AHCTF1: variants seen among roughly 807,000 people sequenced by gnomAD.
AHCTF1 encodes AT-hook containing transcription factor 1.
Under a neutral mutation model 248.4 loss-of-function variants are expected in AHCTF1, and 24 were observed. The ratio of observed to expected loss-of-function variants is 0.10; its 90% CI spans 0.07 to 0.14. The LOEUF (loss-of-function observed/expected upper bound fraction) is 0.14, where lower values mean the gene tolerates loss of function less well. Among genes scored for constraint, AHCTF1 ranks in the 10% least tolerant of loss-of-function variants. The pLI, the probability that AHCTF1 is intolerant of heterozygous loss-of-function variation, is 1.00. For synonymous variants in AHCTF1, 786 were observed against 929.8 expected, an observed-to-expected ratio of 0.85 and a Z score of 2.81; for missense variants, 2,206 against 2,636.2, an observed-to-expected ratio of 0.84 and a Z score of 3.57.
chr1:246,902,273 T>A (rs753446458), intron 8 of AHCTF1, among the ~76,000 whole-genome samples: 31 of 152,314 alleles, frequency 2.0e-4, no homozygotes, highest in Middle Eastern at 3.4e-3. Context: ...TAGTTCAGAC[T>A]AGGGATCGCC....
At chr1:246,924,264 TCAG>T (rs1179808944) in intron 1 of AHCTF1, among the ~76,000 whole-genome samples, 1 of 152,196 alleles carries the variant, frequency 6.6e-6, no homozygotes, top group Non-Finnish European at 1.5e-5. Context: ...ACAATTCCTT[TCAG>T]TTTTCTTATG....
At chr1:246,872,257 G>T (rs182116179) in intron 24 of AHCTF1, among the ~76,000 whole-genome samples, 2 of 151,994 alleles carry the variant, frequency 1.3e-5, no homozygotes, top group African/African-American at 2.4e-5. Context: ...TACTCAGATC[G>T]GGCTCCCTTG....
rs201481584 is a variant in AHCTF1 at position 246,903,938 on chromosome 1, T to C, written c.966+11A>G. On this transcript the variant is annotated intron_variant, in intron 7 of 35. Coordinates refer to ENST00000648844, the MANE Select transcript of AHCTF1 (RefSeq NM_001323342.2). The stretch of plus-strand genomic sequence containing the variant: ...ATGGTAATATAAACCCATAGTCCAA[T>C]GACCATTTACCTCATATAAGATTTG... 1,739 of 1,603,728 alleles carry C rather than the reference T, an allele frequency of 1.1e-3. 1 individual carries two copies. The highest frequency in any genetic ancestry group is 1.4e-3 in the Non-Finnish European group (1,601 of 1,170,848).
Position 246,849,974 on chromosome 1 carries a change from C to T in AHCTF1, c.6032G>A (p.Arg2011Lys). Reference sequence around the variant, plus strand: ...ATTTTCACTTTTAGCTGGGGTATTTCTTGTAGATCTCCTTCTAATGCTGGG... The same window carrying T: ...ATTTTCACTTTTAGCTGGGGTATTTTTTGTAGATCTCCTTCTAATGCTGGG... ...EAPSIRRRST[R>K]NTPAKSENVD... Residue 2011 changes from arginine (R) to lysine (K), a missense_variant, in exon 33 of 36, where the codon AGA becomes AAA. By Grantham distance (26) the Arg-to-Lys change is conservative. This residue lies in a region of AHCTF1 where 469 missense variants were observed against 470.0 expected (regional missense o/e 1.00). Coordinates refer to ENST00000648844, the MANE Select transcript of AHCTF1 (RefSeq NM_001323342.2). The T allele has an allele frequency of 6.2e-7, 1 of 1,613,980 alleles. No homozygotes were observed. The highest frequency in any genetic ancestry group is 8.5e-7 in the Non-Finnish European group (1 of 1,179,868).
chr1:246,852,940 A>G (rs887899167), intron 32 of AHCTF1, 151 bp downstream of exon 32: 9 of 615,248 alleles, frequency 1.5e-5, no homozygotes, highest in East Asian at 2.9e-5. Flanking sequence ...CAAAAGATTT[A>G]TACACTTATT....
At chr1:246,894,971 A>G (rs1370219241) in intron 13 of AHCTF1, among the ~76,000 whole-genome samples, 3 of 152,084 alleles carry the variant, frequency 2.0e-5, no homozygotes, top group African/African-American at 7.2e-5. Flanking sequence ...TTTAATCATG[A>G]GGAGCGACGG....
intron 21 of AHCTF1, among the ~76,000 whole-genome samples, chr1:246,882,474 T>G (rs971281349): frequency 6.6e-6 from 1 of 151,952 alleles, no homozygotes; most frequent in Non-Finnish European, 1.5e-5. Context: ...GTAATGAAAA[T>G]TTAAAGATAC....
chr1:246,906,849 A>AT (rs1042849809), intron 5 of AHCTF1, among the ~76,000 whole-genome samples: 1 of 152,166 alleles, frequency 6.6e-6, no homozygotes, highest in African/African-American at 2.4e-5. Context: ...TGTAACTTTG[A>AT]TTTTTAAAAA....
At position 246,907,636 on chromosome 1, in the gene AHCTF1, T is replaced by C. The variant is rs748640066; in HGVS notation, c.679A>G (p.Ser227Gly). ...AGCTGATTTGTCCTGCTTATGTAAC[T>C]AAGAGTTGAAACAGCTGTTCCTGTT... ...SPTGTAVSTL[S>G]YISRTNQLAV... Residue 227 changes from serine (S) to glycine (G), a missense_variant, in exon 5 of 36, where the codon AGT becomes GGT. Physicochemically the swap from Ser to Gly is moderately conservative, Grantham distance 56. Coordinates refer to ENST00000648844, the MANE Select transcript of AHCTF1 (RefSeq NM_001323342.2). The C allele has an allele frequency of 6.2e-7, 1 of 1,613,864 alleles. No homozygotes were observed. Among genetic ancestry groups the C allele is most frequent in the Non-Finnish European group, 8.5e-7 (1 of 1,179,832 alleles).
chr1:246,893,784 CCAT>C, intron 14 of AHCTF1, among the ~76,000 whole-genome samples: 1 of 152,298 alleles, frequency 6.6e-6, no homozygotes, highest in East Asian at 1.9e-4. Context: ...TCCGCTTACT[CCAT>C]CATCAGTATA....
At position 246,850,143 on chromosome 1, in the gene AHCTF1, C is replaced by T. The variant is rs150394496; in HGVS notation, c.5863G>A (p.Glu1955Lys). The change falls in exon 33 of 36, where the codon GAG becomes AAG. Residue 1955 changes from glutamate to lysine, a missense_variant. Glu to Lys is a moderately conservative substitution (Grantham distance 56, BLOSUM62 1). Coordinates refer to ENST00000648844, the MANE Select transcript of AHCTF1 (RefSeq NM_001323342.2). ...GCTTGAACAGTCAACTGAGATGACT[C>T]AAGGTTGGAGTCTTCTCTCACATCT... ...PSDVREDSNL[E>K]SSQLTVQAEF... The T allele has an allele frequency of 1.4e-3, 2,221 of 1,613,930 alleles. 3 individuals carry two copies. The highest frequency in any genetic ancestry group is 1.8e-3 in the Non-Finnish European group (2,119 of 1,179,858).
intron 1 of AHCTF1, among the ~76,000 whole-genome samples, chr1:246,925,101 A>C (rs539628220): frequency 6.6e-6 from 1 of 152,348 alleles, no homozygotes; most frequent in South Asian, 2.1e-4. Flanking sequence ...AACTAGTTTA[A>C]TGATGAACTG....
intron 26 of AHCTF1, among the ~76,000 whole-genome samples, chr1:246,866,944 C>T (rs1258718875): frequency 6.6e-6 from 1 of 152,048 alleles, no homozygotes; most frequent in Non-Finnish European, 1.5e-5. Flanking sequence ...AAAAACAACC[C>T]TCATTTAGAG....
Position 246,902,569 on chromosome 1 carries a change from T to C in AHCTF1, c.1073A>G (p.Glu358Gly), listed in dbSNP as rs748262742. ...CCTGTCACCATGAGATCGAAATTTCTCTATACTCTGGCATCCCAACAATTT... is the reference window on the plus strand; with the variant it reads ...CCTGTCACCATGAGATCGAAATTTCCCTATACTCTGGCATCCCAACAATTT... Reference protein sequence around the residue: ...NTKLLGCQSIEKFRSHGDREE... With the variant: ...NTKLLGCQSIGKFRSHGDREE... Residue 358 changes from glutamate to glycine, a missense_variant, in exon 8 of 36, where the codon GAG becomes GGG. Around this residue, in one of 6 missense-constraint regions of AHCTF1, gnomAD observed 650 missense variants for 870.8 expected, o/e 0.75. Transcript: ENST00000648844. The C allele has an allele frequency of 3.7e-6, 6 of 1,611,930 alleles. No homozygotes were observed. Among genetic ancestry groups the C allele is most frequent in the Non-Finnish European group, 5.1e-6 (6 of 1,179,782 alleles).
intron 1 of AHCTF1, chr1:246,931,293 C>A: frequency 6.5e-7 from 1 of 1,547,930 alleles, no homozygotes; most frequent in Non-Finnish European, 8.7e-7. Flanking sequence ...ACTGCCGGCG[C>A]AGGACGCGAA....
chr1:246,868,854 T>G (rs1260757382), intron 24 of AHCTF1, among the ~76,000 whole-genome samples: 4 of 149,832 alleles, frequency 2.7e-5, no homozygotes, highest in East Asian at 1.9e-4. Context: ...TTGTTTTTTT[T>G]TTTTTTTTGA....
chr1:246,907,919 A>T (rs1665509527), intron 4 of AHCTF1, among the ~76,000 whole-genome samples, 161 bp from the exon 5 acceptor site: 1 of 152,262 alleles, frequency 6.6e-6, no homozygotes, highest in Non-Finnish European at 1.5e-5. Context: ...TAAACTAGAA[A>T]ATTGCCATCC....
chr1:246,893,733 G>C (rs1000182136), intron 14 of AHCTF1, among the ~76,000 whole-genome samples: 46 of 152,208 alleles, frequency 3.0e-4, no homozygotes, highest in African/African-American at 1.1e-3. Context: ...TAAATAGAAA[G>C]TGAGTTAAGT....
chr1:246,856,839 AGG>A (rs1558217775), intron 30 of AHCTF1, among the ~76,000 whole-genome samples: 2 of 152,248 alleles, frequency 1.3e-5, no homozygotes, highest in African/African-American at 4.8e-5. Context: ...TGAATTGTAT[AGG>A]TGGTCTGGTA....
Sources: allele counts gnomAD v4.1 joint callset (sites outside exome capture counted in the v4.1 genomes callset), GRCh38; gene constraint gnomAD v4.1.1; regional missense constraint gnomAD v4.1.1; transcripts MANE v1.5; gene names NCBI Gene and HGNC (gene_info 2026-07-23, HGNC 2026-07-21).